KLF13: variants seen among roughly 807,000 people sequenced by gnomAD.
The protein encoded by KLF13 is Krueppel-like factor 13.
KLF13 carries 8 observed loss-of-function variants against 16.7 expected under a neutral mutation model. The ratio of observed to expected loss-of-function variants is 0.48; its 90% confidence interval spans 0.28 to 0.87. The LOEUF (loss-of-function observed/expected upper bound fraction) is 0.87, where lower values mean the gene tolerates loss of function less well. Among genes scored for constraint, KLF13 ranks in the 40% least tolerant of loss-of-function variants. The pLI, the probability that KLF13 is intolerant of heterozygous loss-of-function variation, is 0.10. For missense variants in KLF13, 447 were observed against 452.2 expected, an observed-to-expected ratio of 0.99 and a Z score of 0.10; for synonymous variants, 245 against 208.4, an observed-to-expected ratio of 1.18 and a Z score of -1.51.
At position 31,428,820 on chromosome 15, in the gene KLF13, A is replaced by AAAAAAAAAAAAG. The variant is rs61521558; in HGVS notation, n.118-6545_118-6544insAAAAAAGAAAAA. The stretch of plus-strand genomic sequence containing the variant: ...TCTATCTCAAAAAAAAAAAAAAAAA[A>AAAAAAAAAAAAG]AAAAAGAAAAAGAAAAAGAAATGCC... On this transcript the variant is annotated intron_variant and non_coding_transcript_variant, in intron 1 of 1. Transcript: ENST00000558225. Among the ~76,000 whole-genome samples, 442 of 72,504 alleles carry AAAAAAAAAAAAG rather than the reference A, an allele frequency of 6.1e-3. 2 individuals are homozygous for AAAAAAAAAAAAG. The highest frequency in any genetic ancestry group is 7.8e-3 in the East Asian group (15 of 1,914). 47.6% of individuals were successfully genotyped at this position (72,504 alleles called of 152,430 possible).
intron 1 of KLF13, among the ~76,000 whole-genome samples, chr15:31,329,771 A>G (rs1202512917): frequency 6.6e-6 from 1 of 152,214 alleles, no homozygotes; most frequent in East Asian, 1.9e-4. Context: ...CAGAGAAACT[A>G]TTCCACCCTT....
chr15:31,411,141 CATCTT>C (rs1193522171), intron 1 of KLF13, among the ~76,000 whole-genome samples: 3 of 152,178 alleles, frequency 2.0e-5, no homozygotes, highest in African/African-American at 4.8e-5. Flanking sequence ...AAATAGAACT[CATCTT>C]ATCAGTCCAG....
At chr15:31,402,358 G>A (rs918522572) in intron 2 of KLF13, among the ~76,000 whole-genome samples, 5 of 152,228 alleles carry the variant, frequency 3.3e-5, no homozygotes, top group African/African-American at 1.2e-4. Flanking sequence ...CACCTCTAGG[G>A]GTGGGAGATG....
upstream of KLF13, among the ~76,000 whole-genome samples, chr15:31,391,773 AG>A (rs1415201654): frequency 1.3e-5 from 2 of 152,066 alleles, no homozygotes; most frequent in African/African-American, 4.8e-5. Context: ...TCAGGCAGTC[AG>A]GAGCCCTCGA....
intron 1 of KLF13, among the ~76,000 whole-genome samples, chr15:31,350,920 C>T (rs912018499): frequency 1.2e-4 from 19 of 152,236 alleles, no homozygotes; most frequent in African/African-American, 4.6e-4. Flanking sequence ...GTTTAATGGC[C>T]TTTGTGTAAG....
At chr15:31,328,898 C>T (rs536086506) in intron 1 of KLF13, among the ~76,000 whole-genome samples, 2 of 152,174 alleles carry the variant, frequency 1.3e-5, no homozygotes, top group Non-Finnish European at 2.9e-5. Context: ...GCTCAAAACC[C>T]GTCTACTGAA....
At chr15:31,340,446 G>C (rs369586486) in intron 1 of KLF13, among the ~76,000 whole-genome samples, 1 of 152,232 alleles carries the variant, frequency 6.6e-6, no homozygotes, top group Admixed American at 6.5e-5. Context: ...TGTGGTGAGG[G>C]CCCCAGCATC....
intron 1 of KLF13, among the ~76,000 whole-genome samples, chr15:31,368,356 G>C (rs11637710): frequency 6.6e-6 from 1 of 152,074 alleles, no homozygotes; most frequent in Admixed American, 6.5e-5. Flanking sequence ...ACTAGTGTGC[G>C]TTGTGAATCT....
chr15:31,371,351 T>G (rs907339354), intron 1 of KLF13, among the ~76,000 whole-genome samples: 1 of 152,242 alleles, frequency 6.6e-6, no homozygotes, highest in African/African-American at 2.4e-5. Flanking sequence ...GCTGCCCTTG[T>G]CTGTCACCAC....
intron 1 of KLF13, among the ~76,000 whole-genome samples, chr15:31,336,622 A>G (rs1335854632): frequency 6.6e-6 from 1 of 152,198 alleles, no homozygotes; most frequent in African/African-American, 2.4e-5. Context: ...TATTGGTAGA[A>G]GTTAAAGTTG....
rs1292065290 is a variant in KLF13 at position 31,375,097 on chromosome 15, G to A, written c.*2798G>A. ...GGCCTGGACTGGGAAATGGGGGTAGGGCACCAGGAGAGAAATCCTCCTGGG... is the reference window on the plus strand; with the variant it reads ...GGCCTGGACTGGGAAATGGGGGTAGAGCACCAGGAGAGAAATCCTCCTGGG... On this transcript the variant is annotated 3_prime_UTR_variant, in exon 2 of 2. Transcript: ENST00000307145. The A allele has an allele frequency of 1.3e-5, 2 of 152,500 alleles. No individual in the cohort carries two copies. The highest frequency in any genetic ancestry group is 1.9e-4 in the East Asian group (1 of 5,192). The allele number at this position is 152,500 out of a possible 1,614,324, so 9.4% of individuals were successfully genotyped here.
chr15:31,378,823 G>T (rs984538296), downstream of KLF13, among the ~76,000 whole-genome samples: 5 of 152,180 alleles, frequency 3.3e-5, no homozygotes, highest in Non-Finnish European at 5.9e-5. Flanking sequence ...AGGTTCGAAC[G>T]ATTCTTCTGC....
chr15:31,397,877 G>T (rs908832222), intron 2 of KLF13, among the ~76,000 whole-genome samples: 1 of 149,614 alleles, frequency 6.7e-6, no homozygotes. Flanking sequence ...GTGGCGGCGG[G>T]GGGGGTGGTG....
downstream of KLF13, among the ~76,000 whole-genome samples, chr15:31,379,059 A>G (rs974740846): frequency 1.3e-5 from 2 of 152,144 alleles, no homozygotes; most frequent in African/African-American, 4.8e-5. Context: ...AACCACCACA[A>G]AATGTGAAGT....
intron 1 of KLF13, among the ~76,000 whole-genome samples, chr15:31,428,668 C>T (rs1037193297): frequency 6.6e-6 from 1 of 151,642 alleles, no homozygotes; most frequent in Non-Finnish European, 1.5e-5. Flanking sequence ...ATTAGCCAGG[C>T]GTGGTGGCGG....
chr15:31,367,429 C>G (rs2039491727), intron 1 of KLF13, among the ~76,000 whole-genome samples: 1 of 152,206 alleles, frequency 6.6e-6, no homozygotes, highest in Non-Finnish European at 1.5e-5. Flanking sequence ...AAGAGCTGTG[C>G]TGGTGGAGTG....
intron 1 of KLF13, among the ~76,000 whole-genome samples, chr15:31,425,085 T>G (rs2040385348): frequency 6.6e-6 from 1 of 151,640 alleles, no homozygotes; most frequent in Admixed American, 6.6e-5. Context: ...ATCAAGGAGG[T>G]GAAAGACTTA....
intron 2 of KLF13, among the ~76,000 whole-genome samples, chr15:31,398,503 A>G (rs537415764): frequency 7.0e-4 from 107 of 152,224 alleles, no homozygotes; most frequent in African/African-American, 2.5e-3. Context: ...GCCAGCGCCT[A>G]TTTCAGGGGC....
intron 1 of KLF13, among the ~76,000 whole-genome samples, chr15:31,331,505 G>A (rs2038832261): frequency 1.3e-5 from 2 of 150,302 alleles, no homozygotes; most frequent in Non-Finnish European, 3.0e-5. Context: ...TGGGCTCCCT[G>A]CAGGTCCTCC....
Sources: allele counts gnomAD v4.1 joint callset (sites outside exome capture counted in the v4.1 genomes callset), GRCh38; gene constraint gnomAD v4.1.1; transcripts MANE v1.5; gene names NCBI Gene and HGNC (gene_info 2026-07-23, HGNC 2026-07-21).